AQP9: variants seen among roughly 807,000 people sequenced by gnomAD.
AQP9 encodes aquaporin 9, also known as aquaporin-9.
A neutral mutation model predicts 23.8 loss-of-function variants in AQP9; 19 were observed. That is an observed-to-expected ratio of 0.80 (90% CI 0.56 to 1.17). AQP9 has a LOEUF of 1.17. Ranked by LOEUF, AQP9 falls within the 50% of genes most tolerant of loss-of-function variation. The probability of loss-of-function intolerance (pLI) is 0.00; values close to 1 mark genes in which losing one functional copy is unlikely to be tolerated. For missense variants in AQP9, 413 were observed against 362.0 expected (o/e 1.14, Z -1.14); for synonymous variants, 153 against 131.5 (o/e 1.16, Z -1.12).
At position 58,175,048 on chromosome 15, in the gene AQP9, T is replaced by G. The variant is rs1443294197; in HGVS notation, c.495+12T>G. On this transcript the variant is annotated intron_variant, in intron 4 of 5. Transcript: ENST00000219919. ...CATTTGCAGATCAAGTAAGTGTAGA[T>G]TCAACAAAGACTTAACTTTGGTGAA... 1.3e-6 allele frequency: 2 copies of G among 1,595,644 alleles called. No homozygotes were observed. Among genetic ancestry groups the G allele is most frequent in the African/African-American group, 1.3e-5 (1 of 74,496 alleles).
chr15:58,153,451 A>G (rs1241475547), intron 1 of AQP9: 1 of 152,168 alleles, frequency 6.6e-6, no homozygotes. Flanking sequence ...TCACCACATT[A>G]TTAACAGCAA....
At chr15:58,142,776 C>T (rs1304113613) in intron 1 of AQP9, among the ~76,000 whole-genome samples, 1 of 152,166 alleles carries the variant, frequency 6.6e-6, no homozygotes, top group African/African-American at 2.4e-5. Flanking sequence ...CTGTTTCCTC[C>T]ATGCTTGGTT....
At chr15:58,160,591 T>C (rs1724534623) in intron 1 of AQP9, among the ~76,000 whole-genome samples, 1 of 152,112 alleles carries the variant, frequency 6.6e-6, no homozygotes, top group Non-Finnish European at 1.5e-5. Flanking sequence ...GTTCTCCCCA[T>C]GTATACATGT....
chr15:58,153,610 G>A (rs1898192373), intron 1 of AQP9: 2 of 152,032 alleles, frequency 1.3e-5, no homozygotes, highest in South Asian at 4.1e-4. Context: ...AGCTATATAT[G>A]TTCAGGATCC....
At chr15:58,152,127 T>G (rs1218749703) in intron 1 of AQP9, 1 of 152,156 alleles carries the variant, frequency 6.6e-6, no homozygotes, top group Non-Finnish European at 1.5e-5. Context: ...GCATAGCAAA[T>G]TCAAACTACG....
chr15:58,157,285 A>T (rs1314775256), intron 1 of AQP9, among the ~76,000 whole-genome samples: 1 of 152,214 alleles, frequency 6.6e-6, no homozygotes, highest in Non-Finnish European at 1.5e-5. Context: ...TCCACATAGT[A>T]CGGAGCAAAT....
chr15:58,172,767 A>G (rs1595742541), intron 2 of AQP9, among the ~76,000 whole-genome samples: 1 of 152,178 alleles, frequency 6.6e-6, no homozygotes, highest in Non-Finnish European at 1.5e-5. Context: ...AGATAGAGGG[A>G]TTCAAGCCTA....
At chr15:58,143,601 C>T (rs1027675810) in intron 1 of AQP9, among the ~76,000 whole-genome samples, 1 of 152,062 alleles carries the variant, frequency 6.6e-6, no homozygotes, top group African/African-American at 2.4e-5. Context: ...CTACAGTTGC[C>T]TATAAGAATA....
chr15:58,165,187 A>C (rs1898471938), intron 1 of AQP9, among the ~76,000 whole-genome samples: 1 of 152,130 alleles, frequency 6.6e-6, no homozygotes, highest in Admixed American at 6.6e-5. Flanking sequence ...CCAGGGCCAC[A>C]CTAGCTTTTT....
intron 5 of AQP9, among the ~76,000 whole-genome samples, chr15:58,180,747 A>C (rs1296754213): frequency 6.6e-6 from 1 of 152,192 alleles, no homozygotes; most frequent in African/African-American, 2.4e-5. Context: ...ACTGGCATCT[A>C]ATGGGTAGAC....
At chr15:58,139,981 G>A (rs1897924651) in intron 1 of AQP9, among the ~76,000 whole-genome samples, 1 of 152,284 alleles carries the variant, frequency 6.6e-6, no homozygotes, top group East Asian at 1.9e-4. Context: ...GAAAGTCAGT[G>A]ATTCTTATGA....
chr15:58,169,829 A>G (rs1472723701), intron 2 of AQP9, among the ~76,000 whole-genome samples: 1 of 152,208 alleles, frequency 6.6e-6, no homozygotes, highest in Non-Finnish European at 1.5e-5. Context: ...GGCAATTGCT[A>G]TTGATGTAGT....
At chr15:58,170,667 T>C (rs926407934) in intron 2 of AQP9, among the ~76,000 whole-genome samples, 4 of 152,162 alleles carry the variant, frequency 2.6e-5, no homozygotes, top group Admixed American at 6.5e-5. Flanking sequence ...CCTCCCAAAG[T>C]GCTGAGATTA....
At chr15:58,173,838 G>A (rs1448301525) in intron 3 of AQP9, among the ~76,000 whole-genome samples, 6 of 152,160 alleles carry the variant, frequency 3.9e-5, no homozygotes, top group Non-Finnish European at 1.5e-5. Flanking sequence ...GACTCTCGAG[G>A]CCTTTCAAAC....
chr15:58,155,482 C>T (rs1000143137), intron 1 of AQP9: 1 of 152,100 alleles, frequency 6.6e-6, no homozygotes, highest in African/African-American at 2.4e-5. Flanking sequence ...ACAAAGCCAC[C>T]CTTACACGAT....
intron 3 of AQP9, among the ~76,000 whole-genome samples, chr15:58,174,053 G>A (rs1471349975): frequency 6.6e-6 from 1 of 152,176 alleles, no homozygotes; most frequent in African/African-American, 2.4e-5. Context: ...GGAGGCATAA[G>A]TGGGAGGATC....
At chr15:58,148,082 T>C (rs75922107) in intron 1 of AQP9, among the ~76,000 whole-genome samples, 7,458 of 152,300 alleles carry the variant, frequency 0.049, 215 homozygotes, top group Middle Eastern at 0.092. Context: ...TATTCATATG[T>C]ATTTTCTTCA....
Position 58,172,187 on chromosome 15 carries a change from T to C in AQP9, c.239-881T>C, listed in dbSNP as rs148558773. Among the ~76,000 whole-genome samples the C allele has an allele frequency of 6.6e-5, 10 of 152,356 alleles. No individual in the cohort carries two copies. The East Asian group carries it at 1.9e-3, about 29-fold the overall frequency. On this transcript the variant is annotated intron_variant, in intron 2 of 5. Transcript: ENST00000219919. The stretch of plus-strand genomic sequence containing the variant: ...TCTTCCATTTACTGACCATGTAGCC[T>C]TAAGAAACTTACTTTCCGTCCATGC...
intron 2 of AQP9, among the ~76,000 whole-genome samples, chr15:58,172,121 C>T (rs935209): frequency 0.78 from 119,244 of 152,158 alleles, 46,811 homozygotes; most frequent in Middle Eastern, 0.86. Flanking sequence ...GCAGAAAACA[C>T]AGGCTCTAGA....
Sources: gnomAD v4.1 joint callset for allele counts (sites outside exome capture counted in the v4.1 genomes callset) on GRCh38, gnomAD v4.1.1 for gene constraint, MANE v1.5 for transcripts, NCBI Gene and HGNC (gene_info 2026-07-23, HGNC 2026-07-21) for gene names.